WIPF1: variants seen among roughly 807,000 people sequenced by gnomAD.
WIPF1 encodes WAS/WASL interacting protein family member 1, also known as WAS/WASL-interacting protein family member 1.
Under a neutral mutation model 35.4 loss-of-function variants are expected in WIPF1, and 13 were observed. That is an observed-to-expected ratio of 0.37 (90% CI 0.24 to 0.58). WIPF1 has a LOEUF of 0.58. WIPF1 is among the 20% of genes least tolerant of loss of function. The pLI is 0.74. For missense variants in WIPF1, 591 were observed against 667.0 expected (o/e 0.89, Z 1.25); for synonymous variants, 267 against 266.3 (o/e 1.00, Z -0.02).
chr2:174,579,468 T>C (rs148501509), intron 3 of WIPF1, among the ~76,000 whole-genome samples: 72 of 152,296 alleles, frequency 4.7e-4, no homozygotes, highest in African/African-American at 1.7e-3. Context: ...CCAGGGAAGT[T>C]TCACATGCAA....
At chr2:174,653,139 T>C (rs963741975) in intron 1 of WIPF1, among the ~76,000 whole-genome samples, 3 of 152,176 alleles carry the variant, frequency 2.0e-5, no homozygotes, top group Admixed American at 6.5e-5. Context: ...AAATTTAAAT[T>C]AACCTGAAAA....
rs1559148619 is a variant in WIPF1 at position 174,575,298 on chromosome 2, GCCTCCGCCACCACCT to G, written c.249_263del (p.Gly86_Gly90del). On this transcript the variant is annotated inframe_deletion, in exon 4 of 8. Coordinates refer to ENST00000679041, the MANE Select transcript of WIPF1 (RefSeq NM_001375834.1). ...GTCCGCCCCCTCCAAAACTTCCACC[GCCTCCGCCACCACCT>G]CCTCCGCCAAATCCGCCGCCTCCAC... The G allele has an allele frequency of 6.2e-7, 1 of 1,613,366 alleles. No homozygotes were observed. The highest frequency in any genetic ancestry group is 1.3e-5 in the African/African-American group (1 of 74,770).
At chr2:174,639,629 A>G (rs2105945698) in intron 1 of WIPF1, among the ~76,000 whole-genome samples, 1 of 152,118 alleles carries the variant, frequency 6.6e-6, no homozygotes. Context: ...TGTCAGATGT[A>G]TGGTTTGCAA....
intron 1 of WIPF1, among the ~76,000 whole-genome samples, chr2:174,595,139 T>TATATAA (rs1332566404): frequency 5.9e-5 from 6 of 101,854 alleles, no homozygotes; most frequent in Non-Finnish European, 9.5e-5. Context: ...TATATATATA[T>TATATAA]AATTAACTGG....
intron 1 of WIPF1, chr2:174,655,929 G>C (rs998206973): frequency 1.3e-5 from 2 of 152,280 alleles, no homozygotes; most frequent in African/African-American, 4.8e-5. Context: ...GTGGCCTCCA[G>C]TGAACCATGT....
intron 4 of WIPF1, 37 bp downstream of exon 4, chr2:174,575,167 G>A: frequency 6.3e-7 from 1 of 1,579,204 alleles, no homozygotes; most frequent in African/African-American, 1.4e-5. Context: ...ACTCTGCCTT[G>A]TCTTCAGTCA....
intron 1 of WIPF1, among the ~76,000 whole-genome samples, chr2:174,651,324 CACT>C (rs1399372456): frequency 2.6e-5 from 4 of 152,184 alleles, no homozygotes; most frequent in African/African-American, 7.2e-5. Flanking sequence ...CATGAATCAA[CACT>C]ACTATCTTTT....
intron 7 of WIPF1, chr2:174,566,862 T>C: frequency 1.9e-6 from 1 of 520,920 alleles, no homozygotes; most frequent in Non-Finnish European, 3.4e-6. Context: ...GAGCTTGTAA[T>C]GACACATTAA....
At chr2:174,584,772 C>A (rs1685349878) in intron 2 of WIPF1, among the ~76,000 whole-genome samples, 1 of 150,468 alleles carries the variant, frequency 6.6e-6, no homozygotes, top group African/African-American at 2.5e-5. Flanking sequence ...ATTAGCTGGG[C>A]ATGGTGGTGC....
chr2:174,562,474 G>A lies in WIPF1; in HGVS notation c.*73C>T. The A allele has an allele frequency of 6.2e-7, 1 of 1,609,290 alleles. No individual in the cohort carries two copies. The highest frequency in any genetic ancestry group is 1.1e-5 in the South Asian group (1 of 90,022). The stretch of plus-strand genomic sequence containing the variant: ...ACATGAGGCACAAGGGAAGAAGCAG[G>A]GAGGAGGGTATGCAGTTCTTAGATA... On this transcript the variant is annotated 3_prime_UTR_variant, in exon 8 of 8. Coordinates refer to ENST00000679041, the MANE Select transcript of WIPF1 (RefSeq NM_001375834.1).
intron 1 of WIPF1, among the ~76,000 whole-genome samples, chr2:174,653,405 C>A (rs1687573582): frequency 6.6e-6 from 1 of 152,064 alleles, no homozygotes; most frequent in South Asian, 2.1e-4. Flanking sequence ...TACCTCTTAC[C>A]TAGGAATCCT....
At chr2:174,652,900 G>GT (rs1687564435) in intron 1 of WIPF1, among the ~76,000 whole-genome samples, 2 of 151,884 alleles carry the variant, frequency 1.3e-5, no homozygotes, top group African/African-American at 2.4e-5. Context: ...TAGATTTATG[G>GT]TTTTTTGCCC....
rs534675584 is a variant in WIPF1, at chr2:174,675,428, C to T, written c.-39+7346G>A. Reference sequence around the variant, plus strand: ...CTGGAGTGCAGTGGCATGATCATAGCTTACTATAACCTTAAACTCCTGGGC... The same window carrying T: ...CTGGAGTGCAGTGGCATGATCATAGTTTACTATAACCTTAAACTCCTGGGC... On this transcript the variant is annotated intron_variant, in intron 1 of 8. Transcript: ENST00000272746. Among the ~76,000 whole-genome samples, 5 of 152,216 alleles carry T rather than the reference C, an allele frequency of 3.3e-5. No homozygotes were observed. In the South Asian group the frequency reaches 1.0e-3, roughly 32 times the overall value.
At chr2:174,624,358 G>A (rs951275403) in intron 1 of WIPF1, among the ~76,000 whole-genome samples, 10 of 152,138 alleles carry the variant, frequency 6.6e-5, no homozygotes, top group African/African-American at 2.4e-4. Flanking sequence ...TGTTTCTAGG[G>A]GCTGGGCTGA....
At chr2:174,675,866 C>T (rs13418730) in intron 1 of WIPF1, among the ~76,000 whole-genome samples, 9,749 of 143,588 alleles carry the variant, frequency 0.068, 456 homozygotes, top group Non-Finnish European at 0.092. Context: ...GAGGGTGGGC[C>T]GTAAGAGTTG....
Position 174,562,255 on chromosome 2 carries a change from A to G in WIPF1, c.*292T>C. 1 of 1,540,398 alleles carries G rather than the reference A, an allele frequency of 6.5e-7. No individual in the cohort carries two copies. Among genetic ancestry groups the G allele is most frequent in the Non-Finnish European group, 8.8e-7 (1 of 1,140,128 alleles). On this transcript the variant is annotated 3_prime_UTR_variant, in exon 8 of 8. Transcript: ENST00000679041. ...GAATGTTTGAATTTGGTTGGTGGAA[A>G]GCTGGGATGCAAGTCATCTCTGCCT... is the stretch of plus-strand genomic sequence containing the variant.
chr2:174,567,275 C>G, intron 6 of WIPF1, 92 bp from the exon 7 acceptor site: 1 of 1,091,906 alleles, frequency 9.2e-7, no homozygotes, highest in Non-Finnish European at 1.4e-6. Context: ...AGAGAGAGAA[C>G]CACAGACATC....
intron 1 of WIPF1, among the ~76,000 whole-genome samples, chr2:174,637,083 T>C (rs1334656139): frequency 1.3e-5 from 2 of 152,276 alleles, no homozygotes; most frequent in African/African-American, 4.8e-5. Context: ...TTCAATCATT[T>C]ATTTATACCA....
chr2:174,575,981 A>G (rs1244266028), intron 3 of WIPF1, among the ~76,000 whole-genome samples: 1 of 152,158 alleles, frequency 6.6e-6, no homozygotes, highest in Non-Finnish European at 1.5e-5. Flanking sequence ...GGCTAGGCAC[A>G]GTGGCTCACA....
Sources: gnomAD v4.1 joint callset for allele counts (sites outside exome capture counted in the v4.1 genomes callset) on GRCh38, gnomAD v4.1.1 for gene constraint, MANE v1.5 for transcripts, NCBI Gene and HGNC (gene_info 2026-07-23, HGNC 2026-07-21) for gene names.